SORCS3: variants seen among roughly 807,000 people sequenced by gnomAD.
SORCS3 encodes the protein VPS10 domain-containing receptor SorCS3.
Under a neutral mutation model 146.3 loss-of-function variants are expected in SORCS3, and 57 were observed. That is an observed-to-expected ratio of 0.39 (90% confidence interval 0.31 to 0.49). SORCS3 has a LOEUF of 0.49. SORCS3 is among the 20% of genes least tolerant of loss of function. The pLI is 0.92. For synonymous variants in SORCS3, 653 were observed against 618.5 expected (o/e 1.06, Z -0.83); for missense variants, 1,341 against 1,575.5 (o/e 0.85, Z 2.52).
At chr10:105,221,699 A>C (rs1030513898) in intron 19 of SORCS3, among the ~76,000 whole-genome samples, 1 of 152,122 alleles carries the variant, frequency 6.6e-6, no homozygotes, top group African/African-American at 2.4e-5. Context: ...TGGCCTGAAA[A>C]ATCCTCCACC....
intron 2 of SORCS3, among the ~76,000 whole-genome samples, chr10:104,899,158 T>C (rs61867324): frequency 5.9e-5 from 9 of 151,742 alleles, no homozygotes; most frequent in Admixed American, 1.3e-4. Flanking sequence ...AATGTAAGCA[T>C]GTTTTACATC....
chr10:104,869,939 C>T (rs746676502), intron 2 of SORCS3, among the ~76,000 whole-genome samples: 1 of 152,190 alleles, frequency 6.6e-6, no homozygotes, highest in Non-Finnish European at 1.5e-5. Context: ...TTGGTTTCCT[C>T]ATTGTCAGAA....
At chr10:105,245,941 A>T (rs934947300) in intron 21 of SORCS3, among the ~76,000 whole-genome samples, 4 of 152,142 alleles carry the variant, frequency 2.6e-5, no homozygotes, top group African/African-American at 9.7e-5. Context: ...ATTGAAGGAA[A>T]TGCAAGCTGG....
intron 2 of SORCS3, among the ~76,000 whole-genome samples, chr10:104,885,773 G>A (rs1056817743): frequency 2.6e-5 from 4 of 152,160 alleles, no homozygotes; most frequent in Admixed American, 6.5e-5. Context: ...GTGCACCTCA[G>A]CACTACGAAG....
chr10:105,061,652 C>A (rs1380023716), intron 5 of SORCS3, among the ~76,000 whole-genome samples: 3 of 132,554 alleles, frequency 2.3e-5, no homozygotes, highest in Non-Finnish European at 3.2e-5. Flanking sequence ...GACCCTATCT[C>A]AAAAAAAAAA....
At chr10:104,824,121 C>T (rs996290847) in intron 1 of SORCS3, among the ~76,000 whole-genome samples, 5 of 152,124 alleles carry the variant, frequency 3.3e-5, no homozygotes, top group African/African-American at 4.8e-5. Flanking sequence ...CCAGTAAAAC[C>T]CATTTTGGAC....
intron 1 of SORCS3, among the ~76,000 whole-genome samples, chr10:104,816,153 C>T (rs759558552): frequency 7.2e-5 from 11 of 152,152 alleles, no homozygotes; most frequent in Non-Finnish European, 1.5e-4. Context: ...GTCATTCTGC[C>T]AGAATGCTCC....
chr10:104,832,868 C>T (rs765373120), intron 1 of SORCS3, among the ~76,000 whole-genome samples: 4 of 152,194 alleles, frequency 2.6e-5, no homozygotes, highest in Non-Finnish European at 5.9e-5. Context: ...GTGGTGTCCT[C>T]CTGGATATGA....
intron 14 of SORCS3, among the ~76,000 whole-genome samples, chr10:105,196,008 CATGA>C (rs1295995236): frequency 2.0e-5 from 3 of 151,800 alleles, no homozygotes; most frequent in Non-Finnish European, 4.4e-5. Context: ...AAGAAATGCA[CATGA>C]AAGGAATGTA....
chr10:105,084,096 CT>C (rs1254918406), intron 5 of SORCS3, among the ~76,000 whole-genome samples: 1 of 152,156 alleles, frequency 6.6e-6, no homozygotes, highest in African/African-American at 2.4e-5. Flanking sequence ...AAAATCATTC[CT>C]AACTCATAGA....
intron 2 of SORCS3, among the ~76,000 whole-genome samples, chr10:104,891,433 C>T (rs1335751303): frequency 6.6e-6 from 1 of 152,148 alleles, no homozygotes; most frequent in African/African-American, 2.4e-5. Context: ...ACTCTAGCTG[C>T]TTTGCCTTAG....
intron 3 of SORCS3, among the ~76,000 whole-genome samples, chr10:104,933,718 C>A (rs2019232554): frequency 6.6e-6 from 1 of 152,232 alleles, no homozygotes; most frequent in South Asian, 2.1e-4. Flanking sequence ...TATTTATTAT[C>A]ATTCCCATCT....
chr10:105,168,458 C>T (rs772904504), intron 13 of SORCS3, among the ~76,000 whole-genome samples: 15 of 152,114 alleles, frequency 9.9e-5, no homozygotes, highest in Non-Finnish European at 2.2e-4. Flanking sequence ...GCTTCAGATT[C>T]AGCAAAGTGA....
chr10:105,129,459 G>T (rs1242690350), intron 7 of SORCS3, among the ~76,000 whole-genome samples: 1 of 150,850 alleles, frequency 6.6e-6, no homozygotes, highest in Non-Finnish European at 1.5e-5. Context: ...CTCTTTAGAG[G>T]TTTCATGGGC....
chr10:104,652,335 C>A (rs908864335), intron 1 of SORCS3, among the ~76,000 whole-genome samples: 1 of 152,114 alleles, frequency 6.6e-6, no homozygotes, highest in African/African-American at 2.4e-5. Context: ...ATTGGTGCAG[C>A]CCATCTCACC....
intron 4 of SORCS3, among the ~76,000 whole-genome samples, chr10:105,025,657 C>G (rs531181049): frequency 5.9e-5 from 9 of 152,032 alleles, no homozygotes; most frequent in Non-Finnish European, 1.2e-4. Flanking sequence ...GTATTGAGAG[C>G]TTTTTCTTTT....
At chr10:105,257,188 G>A (rs2056936776) in intron 25 of SORCS3, among the ~76,000 whole-genome samples, 1 of 152,190 alleles carries the variant, frequency 6.6e-6, no homozygotes, top group Admixed American at 6.5e-5. Flanking sequence ...TTATCTTCAA[G>A]AGAAGTGTAA....
intron 6 of SORCS3, among the ~76,000 whole-genome samples, chr10:105,103,366 T>C (rs2055799595): frequency 1.3e-5 from 2 of 152,212 alleles, no homozygotes; most frequent in Admixed American, 1.3e-4. Context: ...TACAAAGTTA[T>C]TCAGGCCATA....
At position 104,867,915 on chromosome 10, in the gene SORCS3, T is replaced by A. The variant is rs550412313; in HGVS notation, c.695+25056T>A. Among the ~76,000 whole-genome samples, 10 of 152,350 alleles carry A rather than the reference T, an allele frequency of 6.6e-5. No homozygotes were observed. The East Asian group carries it at 1.7e-3, about 26-fold the overall frequency. On this transcript the variant is annotated intron_variant, in intron 2 of 26. Coordinates refer to ENST00000369701, the MANE Select transcript of SORCS3 (RefSeq NM_014978.3). The stretch of plus-strand genomic sequence containing the variant: ...ATGTTAAAGACCCTTTTTAAGTGGA[T>A]CATTTTCTTCCTTTTACACAGCCAT...
Sources: gnomAD v4.1 joint callset for allele counts (sites outside exome capture counted in the v4.1 genomes callset) on GRCh38, gnomAD v4.1.1 for gene constraint, MANE v1.5 for transcripts, NCBI Gene and HGNC (gene_info 2026-07-23, HGNC 2026-07-21) for gene names.